Variants in AUTS2 observed in about 807,000 individuals in gnomAD.
The protein encoded by AUTS2 is autism susceptibility gene 2 protein.
In AUTS2, 17 loss-of-function variants were observed where a neutral mutation model predicts 112.4. The ratio of observed to expected loss-of-function variants is 0.15; its 90% CI spans 0.10 to 0.23. The LOEUF (loss-of-function observed/expected upper bound fraction) is 0.23. AUTS2 is among the 10% of genes least tolerant of loss of function. The pLI is 1.00. For synonymous variants in AUTS2, 751 were observed against 702.7 expected (o/e 1.07, Z -1.09); for missense variants, 1,510 against 1,701.6 (o/e 0.89, Z 1.98).
At chr7:70,335,795 A>G (rs1397644930) in intron 4 of AUTS2, among the ~76,000 whole-genome samples, 1 of 152,232 alleles carries the variant, frequency 6.6e-6, no homozygotes, top group Non-Finnish European at 1.5e-5. Flanking sequence ...GCATACATCC[A>G]TTGTTGCAAG....
intron 4 of AUTS2, among the ~76,000 whole-genome samples, chr7:70,337,131 G>A (rs933197359): frequency 6.6e-6 from 1 of 152,122 alleles, no homozygotes; most frequent in Non-Finnish European, 1.5e-5. Flanking sequence ...TGTAGGTCAA[G>A]CCTCCCATGG....
At chr7:69,993,751 CTCTG>C (rs749018066) in intron 2 of AUTS2, among the ~76,000 whole-genome samples, 42 of 151,910 alleles carry the variant, frequency 2.8e-4, no homozygotes, top group East Asian at 1.2e-3. Flanking sequence ...CTGTCTCTGT[CTCTG>C]TCTGTCTGTC....
intron 1 of AUTS2, among the ~76,000 whole-genome samples, chr7:69,746,561 T>A (rs550917702): frequency 6.6e-6 from 1 of 152,180 alleles, no homozygotes; most frequent in Admixed American, 6.5e-5. Context: ...CAACTCTTCT[T>A]AGGAGAACAT....
chr7:69,737,390 AAG>A (rs1156511808), intron 1 of AUTS2, among the ~76,000 whole-genome samples: 7 of 152,158 alleles, frequency 4.6e-5, no homozygotes, highest in African/African-American at 1.2e-4. Flanking sequence ...AATTGAGGCA[AAG>A]AGAGGTTAGA....
intron 2 of AUTS2, among the ~76,000 whole-genome samples, chr7:70,035,125 A>G (rs564227584): frequency 6.6e-6 from 1 of 152,318 alleles, no homozygotes; most frequent in African/African-American, 2.4e-5. Context: ...GAACATTTGC[A>G]TTTCCCATTT....
At chr7:70,414,927 CAGTGG>C (rs1794928949) in intron 4 of AUTS2, among the ~76,000 whole-genome samples, 1 of 152,154 alleles carries the variant, frequency 6.6e-6, no homozygotes, top group Non-Finnish European at 1.5e-5. Context: ...TCTCCCAGTG[CAGTGG>C]ATCCAAAGTT....
At chr7:70,232,389 G>A (rs910825644) in intron 4 of AUTS2, among the ~76,000 whole-genome samples, 5 of 151,506 alleles carry the variant, frequency 3.3e-5, no homozygotes, top group Non-Finnish European at 7.4e-5. Context: ...TAATGCATGT[G>A]TAATTTAGGC....
intron 4 of AUTS2, among the ~76,000 whole-genome samples, chr7:70,393,642 T>C (rs927752967): frequency 2.6e-5 from 4 of 152,214 alleles, no homozygotes; most frequent in African/African-American, 9.6e-5. Context: ...AGGGGCTCTA[T>C]GTGATGTTAT....
intron 1 of AUTS2, among the ~76,000 whole-genome samples, chr7:69,724,883 A>G (rs1173420935): frequency 3.9e-5 from 6 of 152,226 alleles, no homozygotes; most frequent in Admixed American, 3.3e-4. Context: ...ATTGATTTGT[A>G]TCATTACTTT....
At chr7:70,780,765 T>C (rs1311924512) in intron 14 of AUTS2, among the ~76,000 whole-genome samples, 1 of 152,226 alleles carries the variant, frequency 6.6e-6, no homozygotes, top group Non-Finnish European at 1.5e-5. Context: ...TTTGTTTTTC[T>C]TTGTTATTGT....
Position 70,790,498 on chromosome 7 carries a change from C to A in AUTS2, c.3282C>A (p.Phe1094Leu). The change falls in exon 19 of 19, where the codon TTC (phenylalanine) becomes TTA (leucine). Residue 1094 changes from phenylalanine (F) to leucine (L), a missense_variant. Transcript: ENST00000342771. This position sits in a 1 kb window ranked among gnomAD's most constrained non-coding sequence, Gnocchi z 7.6. ...GGAGAGACCCGCTGGGCAGGGACTT[C>A]CTGCTAAGGAACGACCCGCTCCACC... ...IHRRDPLGRD[F>L]LLRNDPLHRL... is the part of the protein sequence containing the mutation. The A allele has an allele frequency of 6.2e-7, 1 of 1,612,696 alleles. No individual in the cohort carries two copies. Among genetic ancestry groups the A allele is most frequent in the Non-Finnish European group, 8.5e-7 (1 of 1,179,610 alleles).
chr7:70,666,666 A>G (rs1807365967), intron 5 of AUTS2, among the ~76,000 whole-genome samples: 1 of 151,684 alleles, frequency 6.6e-6, no homozygotes, highest in Non-Finnish European at 1.5e-5. Context: ...TTTTTTATAT[A>G]TGTCTGGGTG....
intron 6 of AUTS2, among the ~76,000 whole-genome samples, chr7:70,721,279 C>CGTGTGTGTGTGTGTGTGTGTGTGTGTGT (rs55885084): frequency 1.4e-5 from 2 of 140,052 alleles, no homozygotes; most frequent in Admixed American, 7.3e-5. Flanking sequence ...GAATTTCATT[C>CGTGTGTGTGTGTGTGTGTGTGTGTGTGT]GTGTGTGTGT....
rs763424098 is a variant in AUTS2 at position 69,891,774 on chromosome 7, C to CTTTTTTTTTTTTTTTTTTTTTT, written c.310-7496_310-7475dup. On this transcript the variant is annotated intron_variant, in intron 1 of 18. Transcript: ENST00000342771. ...ATTCATTCACTTTCCAGACAGATAT[C>CTTTTTTTTTTTTTTTTTTTTTT]TTTTTTTTTTTTTTTTTTTTTTTTT... Among the ~76,000 whole-genome samples the CTTTTTTTTTTTTTTTTTTTTTT allele has an allele frequency of 1.9e-4, 5 of 26,736 alleles. 2 individuals carry two copies. The highest frequency in any genetic ancestry group is 3.9e-4 in the Non-Finnish European group (5 of 12,792). The allele number at this position is 26,736 out of a possible 152,430, so 17.5% of individuals were successfully genotyped here. A position where few individuals can be genotyped will look rare whatever the true frequency, so the allele number is the denominator to read the frequency against.
At chr7:69,712,895 T>C (rs1039171211) in intron 1 of AUTS2, among the ~76,000 whole-genome samples, 13 of 152,216 alleles carry the variant, frequency 8.5e-5, no homozygotes, top group Non-Finnish European at 1.2e-4. Context: ...ATAGTTGATA[T>C]TGGTAAGATT....
chr7:70,739,344 CTTTTT>C (rs1185801587), intron 6 of AUTS2, among the ~76,000 whole-genome samples: 1 of 135,072 alleles, frequency 7.4e-6, no homozygotes, highest in Non-Finnish European at 1.6e-5. Flanking sequence ...CCTTTTTTTC[CTTTTT>C]TTTTTTTTTT....
intron 13 of AUTS2, among the ~76,000 whole-genome samples, chr7:70,775,925 G>A (rs1264169349): frequency 1.3e-5 from 2 of 152,302 alleles, no homozygotes; most frequent in Non-Finnish European, 2.9e-5. Context: ...AATGAATCCT[G>A]GTGGTTGGGG....
At chr7:70,213,352 C>A (rs1258214367) in intron 4 of AUTS2, among the ~76,000 whole-genome samples, 4 of 147,574 alleles carry the variant, frequency 2.7e-5, no homozygotes, top group Non-Finnish European at 4.5e-5. Flanking sequence ...CGATACAAGA[C>A]CCCCTTTCTA....
At chr7:70,389,306 C>T (rs1198867298) in intron 4 of AUTS2, among the ~76,000 whole-genome samples, 1 of 152,134 alleles carries the variant, frequency 6.6e-6, no homozygotes. Context: ...AATGTATTTC[C>T]ACCCAATCCT....
Sources: gnomAD v4.1 joint callset for allele counts (sites outside exome capture counted in the v4.1 genomes callset) on GRCh38, gnomAD v4.1.1 for gene constraint, Gnocchi (gnomAD v3.1) non-coding constraint, MANE v1.5 for transcripts, NCBI Gene and HGNC (gene_info 2026-07-23, HGNC 2026-07-21) for gene names.